The following FAM53A variants were observed in gnomAD, a reference collection of about 807,000 sequenced individuals.
The protein encoded by FAM53A is family with sequence similarity 53 member A, also known as protein FAM53A.
A neutral mutation model predicts 26.6 loss-of-function variants in FAM53A; 28 were observed. The observed-to-expected ratio is 1.05, with a 90% CI of 0.78 to 1.45. The LOEUF (loss-of-function observed/expected upper bound fraction) is 1.45, where lower values mean the gene tolerates loss of function less well. Among genes scored for constraint, FAM53A ranks in the 40% most tolerant of loss-of-function variants. FAM53A has a pLI of 0.00. For missense variants in FAM53A, 650 were observed against 575.8 expected (o/e 1.13, Z -1.32); for synonymous variants, 290 against 253.1 (o/e 1.15, Z -1.38).
At chr4:1,612,501 ACACACAC>A in the FAM53A span, among the ~76,000 whole-genome samples, 1 of 152,162 alleles carries the variant, frequency 6.6e-6, no homozygotes, top group Admixed American at 6.5e-5. Context: ...ACACATGCTC[ACACACAC>A]CACACATGCA....
At chr4:1,629,236 T>G (rs1340477793) in intron 1 of FAM53A, among the ~76,000 whole-genome samples, 1 of 152,010 alleles carries the variant, frequency 6.6e-6, no homozygotes, top group African/African-American at 2.4e-5. Flanking sequence ...GGGTCTGCAC[T>G]CTCCACCAGG....
At chr4:1,611,672 C>G in the FAM53A span, among the ~76,000 whole-genome samples, 1 of 152,242 alleles carries the variant, frequency 6.6e-6, no homozygotes, top group Non-Finnish European at 1.5e-5. Context: ...GGGGCCCTGG[C>G]TCCTGAGCCC....
chr4:1,614,325 C>T (rs75251802), downstream of FAM53A, among the ~76,000 whole-genome samples: 17,436 of 146,500 alleles, frequency 0.12, 1,475 homozygotes, highest in African/African-American at 0.22. Context: ...CACCCACCGG[C>T]GAAGGGGTGA....
At chr4:1,585,259 ACTCTCTCT>A in the FAM53A span, among the ~76,000 whole-genome samples, 1 of 114,296 alleles carries the variant, frequency 8.7e-6, no homozygotes, top group African/African-American at 3.2e-5. Flanking sequence ...TAATGTCTCT[ACTCTCTCT>A]CTCTCTCTCT....
chr4:1,578,567 G>T, the FAM53A span, among the ~76,000 whole-genome samples: 2 of 151,686 alleles, frequency 1.3e-5, no homozygotes, highest in African/African-American at 4.8e-5. Flanking sequence ...GGGGGCAGAA[G>T]ATTTGTCGTG....
chr4:1,604,032 C>T, the FAM53A span, among the ~76,000 whole-genome samples: 1 of 152,228 alleles, frequency 6.6e-6, no homozygotes, highest in Non-Finnish European at 1.5e-5. Context: ...TGCCCGGCTG[C>T]CCTCAGAGAC....
In FAM53A at chr4:1,644,449, C is replaced by T. The variant is rs572977355; in HGVS notation, c.883-2842G>A. 1.8e-5 allele frequency: 25 copies of T among 1,389,602 alleles called. No individual in the cohort carries two copies. The African/African-American group carries it at 3.0e-4, about 17-fold the overall frequency. The allele number at this position is 1,389,602 out of a possible 1,614,324, so 86.1% of individuals were successfully genotyped here. A position where few individuals can be genotyped will look rare whatever the true frequency, so the allele number is the denominator to read the frequency against. ...GGCAGCTGTACAGCTCAGCGCCCAA[C>T]AGCGCTAGCGAAGGCCACACGGAAC... On this transcript the variant is annotated intron_variant, in intron 4 of 4. Transcript: ENST00000308132.
chr4:1,603,011 C>T, the FAM53A span, among the ~76,000 whole-genome samples: 1 of 152,210 alleles, frequency 6.6e-6, no homozygotes, highest in Admixed American at 6.5e-5. Flanking sequence ...GCCGTCCGGA[C>T]ACAGCTCGGG....
chr4:1,632,403 T>C (rs1352707369), intron 1 of FAM53A, among the ~76,000 whole-genome samples: 1 of 152,068 alleles, frequency 6.6e-6, no homozygotes, highest in Non-Finnish European at 1.5e-5. Flanking sequence ...GATGCTTCCA[T>C]CTCGGACTTC....
intron 1 of FAM53A, among the ~76,000 whole-genome samples, chr4:1,629,266 G>A (rs1301655252): frequency 6.6e-6 from 1 of 152,128 alleles, no homozygotes; most frequent in African/African-American, 2.4e-5. Flanking sequence ...CCCACAGAGG[G>A]AGGCCGAGGC....
At chr4:1,590,981 T>C in the FAM53A span, among the ~76,000 whole-genome samples, 112 of 131,322 alleles carry the variant, frequency 8.5e-4, 8 homozygotes, top group African/African-American at 3.0e-3. Context: ...TATATATATA[T>C]ATATATATAT....
chr4:1,655,490 A>T lies in FAM53A; in HGVS notation c.370T>A (p.Leu124Met), dbSNP rs1024226095. ...APPTKRHCRS[L>M]SEPEELVRCR... is the part of the protein sequence containing the mutation. ...CGCACAAGCTCCTCGGGTTCTGACA[A>T]GGACCGGCAATGCCGCTTGGTCGGT... Residue 124 changes from leucine (L) to methionine (M), a missense_variant, in exon 4 of 5, where the codon TTG (leucine) becomes ATG (methionine). Physicochemically the swap from Leu to Met is conservative, Grantham distance 15. Transcript: ENST00000308132. The T allele has an allele frequency of 1.9e-6, 3 of 1,574,650 alleles. No individual in the cohort carries two copies. The Admixed American group carries it at 5.5e-5, about 29-fold the overall frequency.
At chr4:1,662,953 G>T (rs1003528788) in intron 2 of FAM53A, among the ~76,000 whole-genome samples, 2 of 152,154 alleles carry the variant, frequency 1.3e-5, no homozygotes, top group Non-Finnish European at 2.9e-5. Context: ...CCACCACTCT[G>T]GGGGGCCGAG....
intron 4 of FAM53A, among the ~76,000 whole-genome samples, chr4:1,649,382 T>C (rs1712549015): frequency 1.3e-5 from 2 of 152,234 alleles, no homozygotes; most frequent in South Asian, 4.1e-4. Flanking sequence ...GCATCAATGC[T>C]AACACCATTC....
chr4:1,662,668 G>A (rs897604290), intron 2 of FAM53A, among the ~76,000 whole-genome samples: 1 of 149,034 alleles, frequency 6.7e-6, no homozygotes, highest in African/African-American at 2.5e-5. Flanking sequence ...AAAAAAAAAG[G>A]GTTCTTACAA....
chr4:1,611,988 C>A, the FAM53A span, among the ~76,000 whole-genome samples: 9 of 152,262 alleles, frequency 5.9e-5, no homozygotes, highest in East Asian at 1.7e-3. Flanking sequence ...CACTAAACTG[C>A]GGAATCGATG....
chr4:1,626,903 GGAGGGGCCAGCCCTCCCCCA>G (rs1436643295), intron 1 of FAM53A, among the ~76,000 whole-genome samples: 3 of 152,174 alleles, frequency 2.0e-5, no homozygotes, highest in Non-Finnish European at 4.4e-5. Context: ...CTGTATGTGG[GGAGGGGCCAGCCCTCCCCCA>G]GCCTCCAGAT....
At chr4:1,594,655 C>A in the FAM53A span, among the ~76,000 whole-genome samples, 1 of 152,112 alleles carries the variant, frequency 6.6e-6, no homozygotes, top group Non-Finnish European at 1.5e-5. Context: ...ACAGCCTGGG[C>A]AACATAGGGA....
the FAM53A span, among the ~76,000 whole-genome samples, chr4:1,582,128 C>G: frequency 1.6e-4 from 25 of 152,360 alleles, no homozygotes; most frequent in Non-Finnish European, 2.9e-4. Context: ...ACAGCCGAAC[C>G]TTGTCAGCAA....
Sources: allele counts gnomAD v4.1 joint callset (sites outside exome capture counted in the v4.1 genomes callset), GRCh38; gene constraint gnomAD v4.1.1; transcripts MANE v1.5; gene names NCBI Gene and HGNC (gene_info 2026-07-23, HGNC 2026-07-21).